The following SLC5A1 variants were observed in gnomAD, a reference collection of about 807,000 sequenced individuals.
SLC5A1 encodes the protein sodium/glucose cotransporter 1.
In SLC5A1, 42 loss-of-function variants were observed where a neutral mutation model predicts 73.5. That is an observed-to-expected ratio of 0.57 (90% confidence interval 0.45 to 0.74). SLC5A1 has a LOEUF of 0.74. Among genes scored for constraint, SLC5A1 ranks in the 30% least tolerant of loss-of-function variants. The pLI, the probability that SLC5A1 is intolerant of heterozygous loss-of-function variation, is 0.00. For missense variants in SLC5A1, 634 were observed against 855.4 expected, an observed-to-expected ratio of 0.74 and a Z score of 3.23; for synonymous variants, 300 against 317.4, an observed-to-expected ratio of 0.95 and a Z score of 0.58.
At chr22:32,083,270 T>A (rs2094002893) in intron 7 of SLC5A1, 116 bp downstream of exon 7, 1 of 817,018 alleles carries the variant, frequency 1.2e-6, no homozygotes, top group African/African-American at 1.7e-5. Flanking sequence ...AGCTGAGGCA[T>A]GCTCTGCCCT....
At position 32,102,175 on chromosome 22, in the gene SLC5A1, G is replaced by A. The variant is rs759726503; in HGVS notation, c.1603G>A (p.Ala535Thr). The change falls in exon 13 of 15, where the codon GCC (alanine) becomes ACC (threonine). Residue 535 changes from alanine (A) to threonine (T), a missense_variant. Around this residue, in one of 3 missense-constraint regions of SLC5A1, gnomAD observed 161 missense variants for 178.7 expected, o/e 0.90. Transcript: ENST00000266088. ...CTTGTACTTTGCCATTATCCTCTTC[G>A]CCATTTCTTTCATCACCATCGTGGT... Reference protein sequence around the residue: ...HYLYFAIILFAISFITIVVIS... With the variant: ...HYLYFAIILFTISFITIVVIS... 9.9e-6 allele frequency: 16 copies of A among 1,613,972 alleles called. No homozygotes were observed. Among genetic ancestry groups the A allele is most frequent in the South Asian group, 3.3e-5 (3 of 91,078 alleles).
In SLC5A1 at chr22:32,091,712, C is replaced by G. The variant is rs200206252; in HGVS notation, c.1230C>G (p.Tyr410Ter). ...SASTLFTMDI[Y>*]AKVRKRASEK... ...GCACCCTCTTCACCATGGACATCTA[C>G]GCCAAGGTCCGCAAGAGAGCATCTG... Residue 410 changes from tyrosine (Y) to a stop codon, truncating the protein, a stop_gained, in exon 11 of 15, where the codon TAC (tyrosine) becomes TAG (stop). Coordinates refer to ENST00000266088, the MANE Select transcript of SLC5A1 (RefSeq NM_000343.4). LOFTEE classifies it high-confidence loss of function. 8 of 1,614,032 alleles carry G rather than the reference C, an allele frequency of 5.0e-6. No homozygotes were observed. Among genetic ancestry groups the G allele is most frequent in the Non-Finnish European group, 6.8e-6 (8 of 1,179,954 alleles).
intron 1 of SLC5A1, among the ~76,000 whole-genome samples, chr22:32,048,683 A>C (rs982793080): frequency 1.3e-5 from 2 of 152,032 alleles, no homozygotes; most frequent in Non-Finnish European, 2.9e-5. Context: ...CTCTTTCTTC[A>C]ATCAAGATTT....
chr22:32,072,415 T>C (rs1443285353), intron 5 of SLC5A1, among the ~76,000 whole-genome samples: 2 of 152,204 alleles, frequency 1.3e-5, no homozygotes, highest in African/African-American at 4.8e-5. Flanking sequence ...TATGGCTGCA[T>C]AGTATTACGG....
chr22:32,057,294 T>C (rs890315110), intron 2 of SLC5A1, among the ~76,000 whole-genome samples: 2 of 152,206 alleles, frequency 1.3e-5, no homozygotes, highest in Non-Finnish European at 2.9e-5. Flanking sequence ...TGAGATATGA[T>C]CTCACTCTGT....
chr22:32,091,209 T>C (rs1249481353), intron 10 of SLC5A1, among the ~76,000 whole-genome samples: 1 of 152,020 alleles, frequency 6.6e-6, no homozygotes, highest in African/African-American at 2.4e-5. Flanking sequence ...ATCTTTTGAA[T>C]AATAGTTTAA....
intron 14 of SLC5A1, among the ~76,000 whole-genome samples, chr22:32,108,337 G>A (rs1037342993): frequency 1.3e-5 from 2 of 152,050 alleles, no homozygotes; most frequent in Admixed American, 1.3e-4. Context: ...TCCTGACCTC[G>A]TGATCCACCC....
intron 5 of SLC5A1, among the ~76,000 whole-genome samples, chr22:32,071,930 C>G (rs1018863392): frequency 3.3e-5 from 5 of 151,994 alleles, no homozygotes; most frequent in Non-Finnish European, 7.4e-5. Context: ...CATATATAAG[C>G]AAAGATAGAA....
At chr22:32,064,467 C>T (rs1282885011) in intron 2 of SLC5A1, among the ~76,000 whole-genome samples, 2 of 151,570 alleles carry the variant, frequency 1.3e-5, no homozygotes, top group Non-Finnish European at 1.5e-5. Context: ...TGCACTCCAG[C>T]CTGGGTGACA....
intron 2 of SLC5A1, among the ~76,000 whole-genome samples, chr22:32,060,054 TATATACACAC>T (rs2093958427): frequency 7.6e-6 from 1 of 130,780 alleles, no homozygotes; most frequent in Non-Finnish European, 1.6e-5. Flanking sequence ...CACACACACA[TATATACACAC>T]ACATATATAT....
intron 2 of SLC5A1, among the ~76,000 whole-genome samples, chr22:32,065,060 C>T (rs1170573788): frequency 6.6e-6 from 1 of 152,170 alleles, no homozygotes; most frequent in African/African-American, 2.4e-5. Flanking sequence ...CCTCCCTCCT[C>T]AGCCTCCTAA....
At chr22:32,069,341 G>A (rs1231207038) in intron 5 of SLC5A1, among the ~76,000 whole-genome samples, 1 of 152,120 alleles carries the variant, frequency 6.6e-6, no homozygotes, top group Non-Finnish European at 1.5e-5. Flanking sequence ...GTAAGTTCAA[G>A]AGATCTATTG....
chr22:32,078,039 G>A (rs1315895517), intron 5 of SLC5A1, among the ~76,000 whole-genome samples: 2 of 152,132 alleles, frequency 1.3e-5, no homozygotes, highest in Non-Finnish European at 2.9e-5. Context: ...ATTAGAATAT[G>A]CGCATCATTT....
At chr22:32,087,583 C>G (rs2094010245) in intron 10 of SLC5A1, among the ~76,000 whole-genome samples, 1 of 152,132 alleles carries the variant, frequency 6.6e-6, no homozygotes, top group Non-Finnish European at 1.5e-5. Context: ...CATAAAGAAT[C>G]TGTTTTCCTA....
chr22:32,047,134 C>T (rs1431713169), intron 1 of SLC5A1, among the ~76,000 whole-genome samples: 1 of 152,008 alleles, frequency 6.6e-6, no homozygotes, highest in African/African-American at 2.4e-5. Flanking sequence ...AGGAGGTTTC[C>T]ATGGGGGAGT....
At position 32,101,906 on chromosome 22, in the gene SLC5A1, C is replaced by T. The variant is rs983320011; in HGVS notation, c.1450-116C>T. 6.3e-6 allele frequency: 5 copies of T among 796,698 alleles called. No homozygotes were observed. In the Admixed American group the frequency reaches 8.0e-5, roughly 13 times the overall value. 49.4% of individuals were successfully genotyped at this position (796,698 alleles called of 1,614,324 possible). On this transcript the variant is annotated intron_variant, in intron 12 of 14. Coordinates refer to ENST00000266088, the MANE Select transcript of SLC5A1 (RefSeq NM_000343.4). ...TGTTCTGGGTTCAGACAGCCTGGAG[C>T]TACCACTTCTCCTACCTCTGTTCCT...
chr22:32,059,282 G>A, intron 2 of SLC5A1: 1 of 985,532 alleles, frequency 1.0e-6, no homozygotes, highest in Non-Finnish European at 1.2e-6. Flanking sequence ...AGACTTGTGT[G>A]GAAGCAGTTA....
At chr22:32,067,060 G>A (rs200927330) in intron 3 of SLC5A1, 21 bp downstream of exon 3, 1 of 1,539,102 alleles carries the variant, frequency 6.5e-7, no homozygotes, top group Non-Finnish European at 9.0e-7. Context: ...CTGCAGCCAT[G>A]GTGCACTGGG....
At chr22:32,101,272 C>T (rs1444325775) in intron 12 of SLC5A1, among the ~76,000 whole-genome samples, 1 of 151,714 alleles carries the variant, frequency 6.6e-6, no homozygotes, top group Non-Finnish European at 1.5e-5. Flanking sequence ...CAAACCTAGT[C>T]CTTTAGGTGA....
Sources: gnomAD v4.1 joint callset for allele counts (sites outside exome capture counted in the v4.1 genomes callset) on GRCh38, gnomAD v4.1.1 for gene constraint, gnomAD v4.1.1 regional missense constraint, MANE v1.5 for transcripts, NCBI Gene and HGNC (gene_info 2026-07-23, HGNC 2026-07-21) for gene names.